The following CFAP20DC variants were observed in gnomAD, a reference collection of about 807,000 sequenced individuals.
CFAP20DC encodes CFAP20 domain containing.
In CFAP20DC, 84 loss-of-function variants were observed where a neutral mutation model predicts 101.7. The observed-to-expected ratio is 0.83, with a 90% CI of 0.69 to 0.99. The LOEUF (loss-of-function observed/expected upper bound fraction) is 0.99, where lower values mean the gene tolerates loss of function less well. Among genes scored for constraint, CFAP20DC ranks in the 50% least tolerant of loss-of-function variants. CFAP20DC has a pLI of 0.00. For synonymous variants in CFAP20DC, 359 were observed against 351.2 expected, an observed-to-expected ratio of 1.02 and a Z score of -0.25; for missense variants, 1,007 against 970.3, an observed-to-expected ratio of 1.04 and a Z score of -0.50.
At position 59,047,191 on chromosome 3, in the gene CFAP20DC, G is replaced by T. The variant is rs1183165057; in HGVS notation, c.85C>A (p.Leu29Ile). 4.6e-6 allele frequency: 7 copies of T among 1,534,688 alleles called. No individual in the cohort carries two copies. The Admixed American group carries it at 9.8e-5, about 22-fold the overall frequency. The change falls in exon 2 of 17, where the codon CTT becomes ATT. Residue 29 changes from leucine (L) to isoleucine (I), a missense_variant. By Grantham distance (5) the Leu-to-Ile change is conservative. Transcript: ENST00000482387. ...TTCCAAATCACAGATGGACTACCAA[G>T]GATCTTCCATTTTGCTCCAGGATTT... ...GKNPGAKWKI[L>I]GSPSVIWKEF...
intron 7 of CFAP20DC, 86 bp from the exon 8 acceptor site, chr3:58,870,395 A>G (rs1487484815): frequency 3.7e-6 from 5 of 1,364,760 alleles, no homozygotes; most frequent in Non-Finnish European, 5.2e-6. Flanking sequence ...AATCCAGTCC[A>G]GGTGCCATAG....
At chr3:58,787,407 T>G (rs1171303256) in intron 15 of CFAP20DC, among the ~76,000 whole-genome samples, 1 of 151,210 alleles carries the variant, frequency 6.6e-6, no homozygotes, top group Non-Finnish European at 1.5e-5. Context: ...AGTTAGTGGG[T>G]GCAGCACACC....
chr3:58,958,533 G>A (rs962620013), intron 4 of CFAP20DC, among the ~76,000 whole-genome samples: 2 of 152,114 alleles, frequency 1.3e-5, no homozygotes, highest in African/African-American at 4.8e-5. Flanking sequence ...ACTGTTCATA[G>A]GTACATATCA....
chr3:58,911,279 T>C (rs2084121449), intron 6 of CFAP20DC, among the ~76,000 whole-genome samples: 1 of 152,094 alleles, frequency 6.6e-6, no homozygotes, highest in African/African-American at 2.4e-5. Flanking sequence ...GTACTGGAAA[T>C]CAGAAAATTA....
chr3:58,754,330 T>C (rs1441072520), intron 15 of CFAP20DC, among the ~76,000 whole-genome samples: 1 of 152,076 alleles, frequency 6.6e-6, no homozygotes, highest in Non-Finnish European at 1.5e-5. Context: ...GGAGTCAGTC[T>C]CTCTTAACTC....
At chr3:59,012,266 G>A (rs1426736935) in intron 4 of CFAP20DC, among the ~76,000 whole-genome samples, 1 of 152,216 alleles carries the variant, frequency 6.6e-6, no homozygotes, top group Non-Finnish European at 1.5e-5. Flanking sequence ...TGAAAAAAAG[G>A]GTACAGAAGT....
intron 14 of CFAP20DC, among the ~76,000 whole-genome samples, chr3:58,829,320 C>CAAA (rs551685231): frequency 8.4e-5 from 5 of 59,700 alleles, no homozygotes; most frequent in South Asian, 5.2e-4. Context: ...GACTCAGTCT[C>CAAA]AAAAAAAAAA....
At chr3:58,823,623 T>C (rs573567830) in intron 14 of CFAP20DC, among the ~76,000 whole-genome samples, 1 of 152,182 alleles carries the variant, frequency 6.6e-6, no homozygotes, top group South Asian at 2.1e-4. Context: ...AGAGTGGAGC[T>C]AGAATGTGAA....
intron 5 of CFAP20DC, among the ~76,000 whole-genome samples, chr3:58,926,045 A>G (rs2087357547): frequency 6.6e-6 from 1 of 152,292 alleles, no homozygotes; most frequent in African/African-American, 2.4e-5. Flanking sequence ...TAGACTGAGT[A>G]AGTAGGGAAA....
intron 4 of CFAP20DC, among the ~76,000 whole-genome samples, chr3:58,983,885 G>A (rs1042173870): frequency 6.6e-6 from 1 of 152,150 alleles, no homozygotes; most frequent in Non-Finnish European, 1.5e-5. Context: ...ATCAGAACCA[G>A]AATTCCAACC....
At chr3:58,908,694 C>T (rs564168214) in intron 6 of CFAP20DC, among the ~76,000 whole-genome samples, 20 of 152,294 alleles carry the variant, frequency 1.3e-4, no homozygotes, top group African/African-American at 4.6e-4. Context: ...AAAAACCCCA[C>T]ACAAAAATGT....
chr3:58,784,942 G>A (rs1022082641), intron 15 of CFAP20DC, among the ~76,000 whole-genome samples: 18 of 152,042 alleles, frequency 1.2e-4, no homozygotes, highest in South Asian at 2.1e-4. Flanking sequence ...TTTATCCAAA[G>A]GAAAAGAAAT....
intron 14 of CFAP20DC, among the ~76,000 whole-genome samples, chr3:58,824,761 T>G (rs1234622172): frequency 6.6e-6 from 1 of 152,180 alleles, no homozygotes; most frequent in Non-Finnish European, 1.5e-5. Context: ...GATGGATGCA[T>G]GCAATGAGCT....
rs911065113 is a variant in CFAP20DC, at chr3:58,897,684, C to T, written c.551-12975G>A. Among the ~76,000 whole-genome samples the T allele has an allele frequency of 6.6e-6, 1 of 152,140 alleles. No homozygotes were observed. Among genetic ancestry groups the T allele is most frequent in the African/African-American group, 2.4e-5 (1 of 41,428 alleles). On this transcript the variant is annotated intron_variant, in intron 6 of 16. Transcript: ENST00000482387. This position sits in a 1 kb window ranked among gnomAD's most constrained non-coding sequence, Gnocchi z 4.4. ...AATTCAGGATTGGGGAAATTCTTTT[C>T]TTAAGAATGTTGAATTTGTTTCCCA...
intron 13 of CFAP20DC, among the ~76,000 whole-genome samples, chr3:58,836,935 A>C (rs1470726857): frequency 1.3e-5 from 2 of 152,112 alleles, no homozygotes; most frequent in African/African-American, 4.8e-5. Flanking sequence ...AAAGCTTCAT[A>C]AAGGATGGAG....
Position 58,884,717 on chromosome 3 carries a change from T to A in CFAP20DC, c.551-8A>T. ...AGGGAACACCATAGACAGCTGGAAA[T>A]AAAGACAAACATTCATTTTCAAAAT... On this transcript the variant is annotated splice_polypyrimidine_tract_variant and splice_region_variant and intron_variant, in intron 6 of 16. Coordinates refer to ENST00000482387, the MANE Select transcript of CFAP20DC (RefSeq NM_001394063.1). 1.3e-6 allele frequency: 2 copies of A among 1,592,146 alleles called. No individual in the cohort carries two copies. Among genetic ancestry groups the A allele is most frequent in the Non-Finnish European group, 1.7e-6 (2 of 1,166,926 alleles).
chr3:58,738,492 A>G (rs1203945286), downstream of CFAP20DC, among the ~76,000 whole-genome samples: 2 of 152,230 alleles, frequency 1.3e-5, no homozygotes, highest in Non-Finnish European at 2.9e-5. The surrounding 1 kb of genome is among the most constrained non-coding windows in gnomAD (Gnocchi z 4.4). Flanking sequence ...TTCCAGCTCC[A>G]TCAATGTCCC....
intron 5 of CFAP20DC, among the ~76,000 whole-genome samples, chr3:58,929,354 CA>C (rs2086329416): frequency 6.6e-6 from 1 of 152,152 alleles, no homozygotes; most frequent in South Asian, 2.1e-4. Flanking sequence ...AAGGTAGTGA[CA>C]AATTTGATTT....
chr3:58,832,038 C>A, intron 13 of CFAP20DC, 149 bp from the exon 14 acceptor site: 1 of 657,826 alleles, frequency 1.5e-6, no homozygotes. Context: ...CTGCCCCATC[C>A]ATTATACCAC....
Sources: allele counts gnomAD v4.1 joint callset (sites outside exome capture counted in the v4.1 genomes callset), GRCh38; gene constraint gnomAD v4.1.1; non-coding constraint Gnocchi (gnomAD v3.1); transcripts MANE v1.5; gene names NCBI Gene and HGNC (gene_info 2026-07-23, HGNC 2026-07-21).